The following KCNK13 variants were observed in gnomAD, a reference collection of about 807,000 sequenced individuals.
KCNK13 encodes potassium channel subfamily K member 13.
A neutral mutation model predicts 23.4 loss-of-function variants in KCNK13; 12 were observed. The ratio of observed to expected loss-of-function variants is 0.51; its 90% CI spans 0.33 to 0.83. The LOEUF is 0.83. Among genes scored for constraint, KCNK13 ranks in the 40% least tolerant of loss-of-function variants. The probability of loss-of-function intolerance (pLI) is 0.02; values close to 1 mark genes in which losing one functional copy is unlikely to be tolerated. For missense variants in KCNK13, 463 were observed against 556.3 expected, an observed-to-expected ratio of 0.83 and a Z score of 1.69; for synonymous variants, 231 against 229.5, an observed-to-expected ratio of 1.01 and a Z score of -0.06.
At chr14:90,068,699 G>A (rs1486749257) in intron 1 of KCNK13, among the ~76,000 whole-genome samples, 1 of 152,116 alleles carries the variant, frequency 6.6e-6, no homozygotes, top group Non-Finnish European at 1.5e-5. Flanking sequence ...GTGAGTCCTG[G>A]GCACATTCAA....
chr14:90,120,952 T>C (rs1939863669), intron 1 of KCNK13, among the ~76,000 whole-genome samples: 1 of 152,090 alleles, frequency 6.6e-6, no homozygotes, highest in African/African-American at 2.4e-5. Flanking sequence ...GGTACAGAAT[T>C]GGATAAATAC....
chr14:90,151,453 C>T (rs1890133438), intron 1 of KCNK13, among the ~76,000 whole-genome samples: 1 of 152,116 alleles, frequency 6.6e-6, no homozygotes, highest in Non-Finnish European at 1.5e-5. Flanking sequence ...AATGTCTGTT[C>T]AGGTCCTTTG....
chr14:90,120,747 C>T (rs79783420), intron 1 of KCNK13, among the ~76,000 whole-genome samples: 41,525 of 151,832 alleles, frequency 0.27, 5,867 homozygotes, highest in East Asian at 0.37. Context: ...ATTCTGCCCC[C>T]GGCCCCTCCC....
chr14:90,104,787 TTTTC>T (rs1261953308), intron 1 of KCNK13, among the ~76,000 whole-genome samples: 44 of 125,776 alleles, frequency 3.5e-4, no homozygotes, highest in African/African-American at 1.3e-3. Flanking sequence ...CTTTCTTTTC[TTTTC>T]TTTTTTTTTT....
At chr14:90,133,700 C>G (rs1889902166) in intron 1 of KCNK13, among the ~76,000 whole-genome samples, 1 of 152,028 alleles carries the variant, frequency 6.6e-6, no homozygotes, top group Admixed American at 6.5e-5. Flanking sequence ...AGAGCCCACA[C>G]TTCTGGCTTT....
At chr14:90,174,760 A>G (rs1890404721) in intron 1 of KCNK13, among the ~76,000 whole-genome samples, 1 of 152,076 alleles carries the variant, frequency 6.6e-6, no homozygotes, top group Admixed American at 6.6e-5. Flanking sequence ...AGGCTGAGGC[A>G]AGAGGATTGT....
chr14:90,097,012 AG>A (rs1889418134), intron 1 of KCNK13, among the ~76,000 whole-genome samples: 1 of 152,182 alleles, frequency 6.6e-6, no homozygotes, highest in African/African-American at 2.4e-5. Context: ...TGGATCCAGC[AG>A]CACAAACATG....
At chr14:90,175,545 C>A (rs1296857990) in intron 1 of KCNK13, among the ~76,000 whole-genome samples, 4 of 152,164 alleles carry the variant, frequency 2.6e-5, no homozygotes, top group Non-Finnish European at 5.9e-5. Flanking sequence ...CCTCTTGAAG[C>A]CCCTTTAAGT....
intron 1 of KCNK13, among the ~76,000 whole-genome samples, chr14:90,136,321 A>G (rs1889936442): frequency 6.6e-6 from 1 of 152,130 alleles, no homozygotes. Context: ...AAGTGGGGAC[A>G]GGTAGATGGA....
At chr14:90,159,700 T>G (rs564733785) in intron 1 of KCNK13, among the ~76,000 whole-genome samples, 1 of 152,232 alleles carries the variant, frequency 6.6e-6, no homozygotes, top group Non-Finnish European at 1.5e-5. Context: ...GGTTATTTAG[T>G]TCTCACAAAA....
intron 1 of KCNK13, among the ~76,000 whole-genome samples, chr14:90,130,769 G>A (rs896283834): frequency 5.3e-5 from 8 of 152,180 alleles, no homozygotes; most frequent in South Asian, 2.1e-4. Context: ...AGCCGAGATC[G>A]CACCACTGCA....
At chr14:90,119,094 A>G (rs1403229377) in intron 1 of KCNK13, among the ~76,000 whole-genome samples, 1 of 152,202 alleles carries the variant, frequency 6.6e-6, no homozygotes, top group Non-Finnish European at 1.5e-5. Flanking sequence ...TGAACCAGGA[A>G]GAAACTCATT....
chr14:90,156,803 C>T (rs1235207685), intron 1 of KCNK13, among the ~76,000 whole-genome samples: 1 of 152,170 alleles, frequency 6.6e-6, no homozygotes, highest in Non-Finnish European at 1.5e-5. Context: ...TGCTTTTCCC[C>T]ATGGTGCTCT....
intron 1 of KCNK13, among the ~76,000 whole-genome samples, chr14:90,148,303 A>G (rs1379431731): frequency 6.6e-6 from 1 of 152,200 alleles, no homozygotes; most frequent in East Asian, 1.9e-4. Context: ...TATAAAGCAC[A>G]ATTATTCAGT....
chr14:90,083,838 T>C (rs1157082557), intron 1 of KCNK13, among the ~76,000 whole-genome samples: 1 of 152,248 alleles, frequency 6.6e-6, no homozygotes, highest in Non-Finnish European at 1.5e-5. Context: ...CTTAATTCTT[T>C]TGCATGTGGA....
At chr14:90,179,336 A>AC (rs1890459751) in intron 1 of KCNK13, among the ~76,000 whole-genome samples, 1 of 142,320 alleles carries the variant, frequency 7.0e-6, no homozygotes, top group Non-Finnish European at 1.6e-5. Context: ...TTTTTTTTTT[A>AC]CCTTAATTGA....
At chr14:90,111,277 C>CTGAG (rs1889612784) in intron 1 of KCNK13, among the ~76,000 whole-genome samples, 1 of 152,194 alleles carries the variant, frequency 6.6e-6, no homozygotes, top group Admixed American at 6.5e-5. Flanking sequence ...TGGCCACCCA[C>CTGAG]TGAGGTTCTG....
intron 1 of KCNK13, among the ~76,000 whole-genome samples, chr14:90,165,052 A>G (rs1437869375): frequency 6.6e-6 from 1 of 152,204 alleles, no homozygotes; most frequent in Non-Finnish European, 1.5e-5. Flanking sequence ...GAAGCAAGAC[A>G]TGTCTTACAT....
intron 1 of KCNK13, among the ~76,000 whole-genome samples, chr14:90,170,083 T>C (rs1285313997): frequency 6.6e-6 from 1 of 152,118 alleles, no homozygotes; most frequent in Non-Finnish European, 1.5e-5. Flanking sequence ...AAGAAAATAA[T>C]TGAGTTCCTT....
Sources: gnomAD v4.1 joint callset for allele counts (sites outside exome capture counted in the v4.1 genomes callset) on GRCh38, gnomAD v4.1.1 for gene constraint, MANE v1.5 for transcripts, NCBI Gene and HGNC (gene_info 2026-07-23, HGNC 2026-07-21) for gene names.